The following CSMD3 variants were observed in gnomAD, a reference collection of about 807,000 sequenced individuals.
CSMD3 encodes the protein CUB and Sushi multiple domains 3.
Under a neutral mutation model 435.2 loss-of-function variants are expected in CSMD3, and 177 were observed. The ratio of observed to expected loss-of-function variants is 0.41; its 90% confidence interval spans 0.36 to 0.46. The LOEUF (loss-of-function observed/expected upper bound fraction) is 0.46, where lower values mean the gene tolerates loss of function less well. Among genes scored for constraint, CSMD3 ranks in the 20% least tolerant of loss-of-function variants. The probability of loss-of-function intolerance (pLI) is 0.34; values close to 1 mark genes in which losing one functional copy is unlikely to be tolerated. For synonymous variants in CSMD3, 1,656 were observed against 1,520.5 expected, an observed-to-expected ratio of 1.09 and a Z score of -2.07; for missense variants, 4,265 against 4,504.6, an observed-to-expected ratio of 0.95 and a Z score of 1.52.
intron 7 of CSMD3, among the ~76,000 whole-genome samples, chr8:112,966,582 C>A (rs2084425786): frequency 6.7e-6 from 1 of 150,052 alleles, no homozygotes; most frequent in South Asian, 2.1e-4. Context: ...ATGTATTTTT[C>A]TCTTTGTTAT....
At chr8:113,374,002 A>G (rs2094362794) in intron 1 of CSMD3, among the ~76,000 whole-genome samples, 2 of 152,102 alleles carry the variant, frequency 1.3e-5, no homozygotes, top group South Asian at 2.1e-4. Context: ...TTCAGGTCCA[A>G]TTAAATATTT....
intron 5 of CSMD3, among the ~76,000 whole-genome samples, chr8:113,088,859 A>G (rs1460270710): frequency 6.6e-6 from 1 of 152,024 alleles, no homozygotes; most frequent in African/African-American, 2.4e-5. Context: ...TTAAAGTATA[A>G]TAATAAAAAA....
intron 3 of CSMD3, among the ~76,000 whole-genome samples, chr8:113,182,453 G>T (rs1402309422): frequency 3.3e-5 from 5 of 151,378 alleles, no homozygotes; most frequent in South Asian, 4.2e-4. Flanking sequence ...TAATCTTAGG[G>T]TTGCACTTTG....
intron 11 of CSMD3, among the ~76,000 whole-genome samples, chr8:112,853,813 C>T (rs918310281): frequency 6.6e-6 from 1 of 152,198 alleles, no homozygotes; most frequent in Non-Finnish European, 1.5e-5. Flanking sequence ...TGTCTCTTAG[C>T]TCTAGCCAAC....
chr8:112,281,634 C>T (rs560001329), intron 58 of CSMD3, among the ~76,000 whole-genome samples: 1 of 152,142 alleles, frequency 6.6e-6, no homozygotes, highest in South Asian at 2.1e-4. Flanking sequence ...ACTGTATTGG[C>T]TTCAGGTACC....
At chr8:112,277,029 CTT>C (rs1818124253) in intron 59 of CSMD3, among the ~76,000 whole-genome samples, 1 of 152,086 alleles carries the variant, frequency 6.6e-6, no homozygotes, top group Admixed American at 6.5e-5. Flanking sequence ...AGACTTCTCT[CTT>C]GTGCTCTGGA....
At chr8:113,115,954 G>A (rs1164348699) in intron 4 of CSMD3, among the ~76,000 whole-genome samples, 1 of 152,072 alleles carries the variant, frequency 6.6e-6, no homozygotes, top group African/African-American at 2.4e-5. Context: ...CTTCCTCTAT[G>A]TGAGGACACA....
chr8:113,025,456 A>T (rs1475105482), intron 5 of CSMD3, among the ~76,000 whole-genome samples: 2 of 152,116 alleles, frequency 1.3e-5, no homozygotes, highest in Non-Finnish European at 2.9e-5. Context: ...ATAGTTTCAG[A>T]CTACGCATAC....
intron 23 of CSMD3, among the ~76,000 whole-genome samples, chr8:112,574,319 G>A (rs965373049): frequency 1.3e-5 from 2 of 151,854 alleles, no homozygotes; most frequent in Non-Finnish European, 2.9e-5. Context: ...CAGTAATATA[G>A]ATTCTTCTGT....
At chr8:112,896,480 G>A (rs545752867) in intron 10 of CSMD3, among the ~76,000 whole-genome samples, 2 of 151,540 alleles carry the variant, frequency 1.3e-5, no homozygotes, top group Non-Finnish European at 1.5e-5. Context: ...TTGGAACATG[G>A]TGTAAGCAAG....
rs779538842 is a variant in CSMD3 at position 112,301,951 on chromosome 8, T to A, written c.8282A>T (p.Glu2761Val). Residue 2761 changes from glutamate to valine, a missense_variant, in exon 53 of 71, where the codon GAA (glutamate) becomes GTA (valine). Physicochemically the swap from Glu to Val is moderately radical, Grantham distance 121 (BLOSUM62 -2). Coordinates refer to ENST00000297405, the MANE Select transcript of CSMD3 (RefSeq NM_198123.2). ...RPYCQIISCG[E>V]LPTPPNGNKI... is the part of the protein sequence containing the mutation. ...ATTTCCATTTGGAGGTGTAGGTAGT[T>A]CTCCACAGGAAATAACTTTAAAATG... 64 of 1,605,880 alleles carry A rather than the reference T, an allele frequency of 4.0e-5. No individual in the cohort carries two copies. Among genetic ancestry groups the A allele is most frequent in the Middle Eastern group, 1.6e-4 (1 of 6,074 alleles).
At chr8:113,132,058 T>C (rs1257148277) in intron 4 of CSMD3, among the ~76,000 whole-genome samples, 1 of 152,138 alleles carries the variant, frequency 6.6e-6, no homozygotes, top group African/African-American at 2.4e-5. Context: ...CTATAGCCCC[T>C]TTGTTTTGGC....
chr8:112,829,545 T>C lies in CSMD3; in HGVS notation c.1859+141A>G, dbSNP rs1587416282. 11 of 694,180 alleles carry C rather than the reference T, an allele frequency of 1.6e-5. No homozygotes were observed. The East Asian group carries it at 3.0e-4, about 19-fold the overall frequency. 43.0% of individuals were successfully genotyped at this position (694,180 alleles called of 1,614,324 possible). ...ATTGAAGAAGCACTAACAGATTCTATGAAAGTTAACAATAATAACTAAGTT... is the reference window on the plus strand; with the variant it reads ...ATTGAAGAAGCACTAACAGATTCTACGAAAGTTAACAATAATAACTAAGTT... On this transcript the variant is annotated intron_variant, in intron 12 of 70. Coordinates refer to ENST00000297405, the MANE Select transcript of CSMD3 (RefSeq NM_198123.2).
At chr8:113,401,031 GA>G (rs1474581105) in intron 1 of CSMD3, among the ~76,000 whole-genome samples, 1 of 151,592 alleles carries the variant, frequency 6.6e-6, no homozygotes, top group East Asian at 1.9e-4. Context: ...TAAAACAGTA[GA>G]AATATAATGT....
chr8:112,493,342 T>C (rs1225256850), intron 30 of CSMD3, among the ~76,000 whole-genome samples: 1 of 152,126 alleles, frequency 6.6e-6, no homozygotes, highest in Non-Finnish European at 1.5e-5. Context: ...GGAGCCCTTA[T>C]AAAACGTCTT....
chr8:113,317,489 C>T (rs1044844077), intron 1 of CSMD3, among the ~76,000 whole-genome samples: 1 of 152,154 alleles, frequency 6.6e-6, no homozygotes, highest in African/African-American at 2.4e-5. Context: ...ATTTCGAGTA[C>T]TTTTATTTTT....
chr8:113,348,471 T>C (rs1177746227), intron 1 of CSMD3, among the ~76,000 whole-genome samples: 1 of 152,058 alleles, frequency 6.6e-6, no homozygotes, highest in Non-Finnish European at 1.5e-5. Context: ...CCATTCCAAA[T>C]GCAAAGATGC....
intron 2 of CSMD3, among the ~76,000 whole-genome samples, 173 bp from the exon 3 acceptor site, chr8:113,278,877 A>G (rs913970934): frequency 2.6e-5 from 4 of 151,774 alleles, no homozygotes; most frequent in South Asian, 2.1e-4. Context: ...CTCATTTTGG[A>G]CTTCAGCCCT....
intron 27 of CSMD3, among the ~76,000 whole-genome samples, chr8:112,517,874 C>A (rs534930854): frequency 6.6e-6 from 1 of 152,280 alleles, no homozygotes; most frequent in Admixed American, 6.5e-5. Flanking sequence ...ACGAAACTAA[C>A]CATTCACTTA....
Sources: gnomAD v4.1 joint callset for allele counts (sites outside exome capture counted in the v4.1 genomes callset) on GRCh38, gnomAD v4.1.1 for gene constraint, MANE v1.5 for transcripts, NCBI Gene and HGNC (gene_info 2026-07-23, HGNC 2026-07-21) for gene names.